The following IGSF11 variants were observed in gnomAD, a reference collection of about 807,000 sequenced individuals.
IGSF11 encodes immunoglobulin superfamily member 11.
A neutral mutation model predicts 41.0 loss-of-function variants in IGSF11; 22 were observed. That is an observed-to-expected ratio of 0.54 (90% CI 0.38 to 0.77). The LOEUF (loss-of-function observed/expected upper bound fraction) is 0.77. Among genes scored for constraint, IGSF11 ranks in the 30% least tolerant of loss-of-function variants. IGSF11 has a pLI of 0.00. For synonymous variants in IGSF11, 219 were observed against 201.3 expected (o/e 1.09, Z -0.74); for missense variants, 444 against 530.8 (o/e 0.84, Z 1.61).
At chr3:119,045,721 C>A (rs1215713058) in intron 1 of IGSF11, among the ~76,000 whole-genome samples, 2 of 152,034 alleles carry the variant, frequency 1.3e-5, no homozygotes, top group Non-Finnish European at 1.5e-5. Context: ...ACAGCAGTAA[C>A]CTCTGCACAC....
intron 1 of IGSF11, among the ~76,000 whole-genome samples, chr3:119,122,562 C>G (rs2107530955): frequency 6.6e-6 from 1 of 152,302 alleles, no homozygotes; most frequent in East Asian, 1.9e-4. Flanking sequence ...TTACTATCAG[C>G]CAGGGCAGCT....
chr3:119,106,936 C>A (rs928239091), upstream of IGSF11, among the ~76,000 whole-genome samples: 2 of 152,162 alleles, frequency 1.3e-5, no homozygotes, highest in Non-Finnish European at 2.9e-5. Flanking sequence ...TTTATGGCTG[C>A]ATAGTATTCT....
At chr3:118,996,705 T>C (rs1349919871) in intron 1 of IGSF11, among the ~76,000 whole-genome samples, 1 of 152,066 alleles carries the variant, frequency 6.6e-6, no homozygotes, top group South Asian at 2.1e-4. Flanking sequence ...GTTCACGACA[T>C]TCTCCTGCCT....
intron 1 of IGSF11, among the ~76,000 whole-genome samples, chr3:119,001,017 AGT>A (rs1210133366): frequency 1.3e-5 from 2 of 152,016 alleles, no homozygotes; most frequent in African/African-American, 4.8e-5. Flanking sequence ...TTTCTCCAGC[AGT>A]GTTTTTGCTG....
chr3:118,926,361 T>C, intron 3 of IGSF11, 105 bp from the exon 4 acceptor site: 1 of 911,590 alleles, frequency 1.1e-6, no homozygotes, highest in Non-Finnish European at 1.6e-6. Flanking sequence ...ATTACACTGT[T>C]TTGGGAACAT....
intron 1 of IGSF11, among the ~76,000 whole-genome samples, chr3:118,975,536 C>A (rs1933991009): frequency 6.6e-6 from 1 of 152,064 alleles, no homozygotes; most frequent in Admixed American, 6.5e-5. Context: ...ACTGTTAGCC[C>A]CAGCTTTTCA....
chr3:119,072,213 A>G (rs536383927), intron 1 of IGSF11, among the ~76,000 whole-genome samples: 1 of 152,350 alleles, frequency 6.6e-6, no homozygotes, highest in East Asian at 1.9e-4. Context: ...CAAGCAAATG[A>G]TCCTGAGCTA....
Position 118,928,730 on chromosome 3 carries a change from CA to C in IGSF11, c.217-15del, listed in dbSNP as rs1262268862. ...ATACAGGATGACCTGGAAAAGAAAG[CA>C]AAATAAATAAACTGGCCACTCTATC... On this transcript the variant is annotated splice_polypyrimidine_tract_variant and intron_variant, in intron 2 of 6. Transcript: ENST00000393775. The C allele has an allele frequency of 6.2e-7, 1 of 1,602,684 alleles. No homozygotes were observed. Among genetic ancestry groups the C allele is most frequent in the Non-Finnish European group, 8.5e-7 (1 of 1,172,922 alleles).
At chr3:118,978,313 G>A (rs1009539771) in intron 1 of IGSF11, among the ~76,000 whole-genome samples, 6 of 152,050 alleles carry the variant, frequency 3.9e-5, no homozygotes, top group African/African-American at 1.4e-4. Context: ...ACTGGTCACA[G>A]CCACTGCCAA....
At chr3:119,057,792 A>C (rs1224796108) in intron 1 of IGSF11, among the ~76,000 whole-genome samples, 2 of 152,230 alleles carry the variant, frequency 1.3e-5, no homozygotes, top group Non-Finnish European at 2.9e-5. Context: ...CCAATGGAAC[A>C]GAACAGAGCC....
intron 1 of IGSF11, among the ~76,000 whole-genome samples, chr3:118,996,841 C>A (rs1456373106): frequency 6.6e-6 from 1 of 152,054 alleles, no homozygotes; most frequent in South Asian, 2.1e-4. Flanking sequence ...CCTTGTGATC[C>A]GCCTGCCTCG....
chr3:119,113,564 C>T (rs775151555), intron 1 of IGSF11, among the ~76,000 whole-genome samples: 9 of 152,224 alleles, frequency 5.9e-5, no homozygotes, highest in Admixed American at 4.6e-4. Context: ...CCCAAGGCCT[C>T]GGGCAGCTCC....
intron 1 of IGSF11, among the ~76,000 whole-genome samples, chr3:119,131,590 G>A (rs2077482554): frequency 1.3e-5 from 2 of 152,230 alleles, no homozygotes; most frequent in Non-Finnish European, 1.5e-5. Flanking sequence ...GGACCTGAAA[G>A]TGATGGGGAG....
At position 118,944,457 on chromosome 3, in the gene IGSF11, TACACACACACACACAC is replaced by T. The variant is rs3079206; in HGVS notation, c.53-14198_53-14183del. On this transcript the variant is annotated intron_variant, in intron 1 of 6. Transcript: ENST00000393775. ...TGTGGTCTATTGCCTTAGCTTGAAA[TACACACACACACACAC>T]ACACACACACACACACACACACACA... 5.5e-3 allele frequency among the ~76,000 whole-genome samples: 698 copies of T among 125,816 alleles called. 15 individuals are homozygous for T. The highest frequency in any genetic ancestry group is 0.018 in the African/African-American group (631 of 34,352). The allele number at this position is 125,816 out of a possible 152,430, so 82.5% of individuals were successfully genotyped here.
At position 119,048,377 on chromosome 3, in the gene IGSF11, C is replaced by G. The variant is rs181672297; in HGVS notation, c.49+56767G>C. On this transcript the variant is annotated intron_variant, in intron 1 of 6. Transcript: ENST00000354673. ...AGAGAATACTACAAACACCTCTACG[C>G]AAATAAACTAGAAAATCTAGAAGAA... is the stretch of plus-strand genomic sequence containing the variant. Among the ~76,000 whole-genome samples, 1,296 of 152,216 alleles carry G rather than the reference C, an allele frequency of 8.5e-3. 26 individuals carry two copies. The highest frequency in any genetic ancestry group is 0.029 in the African/African-American group (1,218 of 41,520).
intron 4 of IGSF11, among the ~76,000 whole-genome samples, chr3:118,910,670 T>C (rs114379649): frequency 1.3e-5 from 2 of 152,290 alleles, no homozygotes; most frequent in African/African-American, 4.8e-5. Flanking sequence ...TATAAAGCCT[T>C]TCACAATCTG....
At chr3:118,983,198 GC>G (rs1934914961) in intron 1 of IGSF11, 1 of 152,198 alleles carries the variant, frequency 6.6e-6, no homozygotes, top group Non-Finnish European at 1.5e-5. Context: ...ACTAACATGT[GC>G]CTGTAGGTCT....
rs34414843 is a variant in IGSF11, at chr3:118,902,676, T to C, written c.1140A>G (p.Ser380=). 8,548 of 1,614,126 alleles carry C rather than the reference T, an allele frequency of 5.3e-3. 327 individuals carry two copies. The African/African-American group carries it at 0.095, about 18-fold the overall frequency. ...TGCTCCTGGACATCACCTGTGGTGA[T>C]GACCCTCTGTTGGCTGTCACTACCA... ...KTLVVTANRG[S]SPQVMSRSNG... is the part of the protein sequence containing the mutation. The change falls in exon 7 of 7, where the codon TCA becomes TCG. Residue 380 remains serine, a synonymous_variant. Coordinates refer to ENST00000393775, the MANE Select transcript of IGSF11 (RefSeq NM_001015887.3).
At chr3:119,104,578 G>C (rs970772462) in intron 1 of IGSF11, among the ~76,000 whole-genome samples, 1 of 152,098 alleles carries the variant, frequency 6.6e-6, no homozygotes, top group African/African-American at 2.4e-5. Flanking sequence ...GCTAGCCAAT[G>C]AAGTGAGTGG....
Sources: allele counts gnomAD v4.1 joint callset (sites outside exome capture counted in the v4.1 genomes callset), GRCh38; gene constraint gnomAD v4.1.1; transcripts MANE v1.5; gene names NCBI Gene and HGNC (gene_info 2026-07-23, HGNC 2026-07-21).